Variants in XPR1 observed in about 807,000 individuals in gnomAD.
XPR1 encodes solute carrier family 53 member 1.
Under a neutral mutation model 87.5 loss-of-function variants are expected in XPR1, and 28 were observed. That is an observed-to-expected ratio of 0.32 (90% CI 0.24 to 0.44). The LOEUF (loss-of-function observed/expected upper bound fraction) is 0.44. XPR1 is among the 20% of genes least tolerant of loss of function. The probability of loss-of-function intolerance (pLI) is 1.00; values close to 1 mark genes in which losing one functional copy is unlikely to be tolerated. For missense variants in XPR1, 559 were observed against 862.3 expected (o/e 0.65, Z 4.41); for synonymous variants, 300 against 306.1 (o/e 0.98, Z 0.21).
chr1:180,781,098 A>G (rs1032832844), intron 2 of XPR1, among the ~76,000 whole-genome samples: 12 of 151,352 alleles, frequency 7.9e-5, no homozygotes, highest in African/African-American at 2.7e-4. Context: ...CTTTTGACTT[A>G]ATTTTTGTAT....
rs79123770 is a variant in XPR1, at chr1:180,773,417, T to A, written c.122-14336T>A. Among the ~76,000 whole-genome samples, 29 of 152,340 alleles carry A rather than the reference T, an allele frequency of 1.9e-4. 2 individuals are homozygous for A. In the East Asian group the frequency reaches 5.2e-3, roughly 27 times the overall value. ...CTGACTCTTGTAAGACTTTATAAAC[T>A]ATGTTGCAGGGTATGAACAGTATCC... is the stretch of plus-strand genomic sequence containing the variant. On this transcript the variant is annotated intron_variant, in intron 2 of 14. Coordinates refer to ENST00000367590, the MANE Select transcript of XPR1 (RefSeq NM_004736.4).
intron 2 of XPR1, among the ~76,000 whole-genome samples, chr1:180,735,109 C>T (rs1264857410): frequency 1.3e-5 from 2 of 152,148 alleles, no homozygotes; most frequent in Non-Finnish European, 2.9e-5. Flanking sequence ...CTTTGAAGTG[C>T]AGAAACACAC....
intron 11 of XPR1, among the ~76,000 whole-genome samples, chr1:180,862,879 A>G (rs987393239): frequency 2.0e-5 from 3 of 152,126 alleles, no homozygotes; most frequent in African/African-American, 7.2e-5. Flanking sequence ...TTATATACCT[A>G]TAGCACACCT....
intron 2 of XPR1, among the ~76,000 whole-genome samples, chr1:180,773,384 A>T (rs1375825814): frequency 6.6e-6 from 1 of 152,184 alleles, no homozygotes; most frequent in African/African-American, 2.4e-5. Flanking sequence ...AGCTGAAGAG[A>T]AGTAGCACTG....
chr1:180,736,506 A>C (rs1658736272), intron 2 of XPR1, among the ~76,000 whole-genome samples: 1 of 152,206 alleles, frequency 6.6e-6, no homozygotes, highest in Non-Finnish European at 1.5e-5. Context: ...GTAGTTTGTT[A>C]GTAGAATACC....
At position 180,833,528 on chromosome 1, in the gene XPR1, G is replaced by A. The variant is rs564437976; in HGVS notation, c.1135-1346G>A. On this transcript the variant is annotated intron_variant, in intron 9 of 14. Coordinates refer to ENST00000367590, the MANE Select transcript of XPR1 (RefSeq NM_004736.4). ...GCAAAAAAAAACACAAAAAAAACAG[G>A]GGTTGCAATCCTAGTCTCTGATAAA... is the stretch of plus-strand genomic sequence containing the variant. Among the ~76,000 whole-genome samples, 250 of 151,980 alleles carry A rather than the reference G, an allele frequency of 1.6e-3. 1 individual carries two copies. Among genetic ancestry groups the A allele is most frequent in the Admixed American group, 2.7e-3 (41 of 15,264 alleles).
At chr1:180,658,635 G>A (rs1163139643) in intron 1 of XPR1, among the ~76,000 whole-genome samples, 1 of 151,992 alleles carries the variant, frequency 6.6e-6, no homozygotes, top group East Asian at 1.9e-4. Flanking sequence ...CGCGATCTTG[G>A]CTCACTGCAA....
chr1:180,814,230 AG>A (rs1650323376), intron 7 of XPR1, among the ~76,000 whole-genome samples: 1 of 152,186 alleles, frequency 6.6e-6, no homozygotes, highest in African/African-American at 2.4e-5. Context: ...TTGTATTGTT[AG>A]AGTTCTTCTT....
chr1:180,753,446 C>T (rs374936783), intron 2 of XPR1, among the ~76,000 whole-genome samples: 3 of 151,724 alleles, frequency 2.0e-5, no homozygotes, highest in South Asian at 4.2e-4. Context: ...CCCAGCTACT[C>T]GGGAGGCTAA....
chr1:180,682,654 G>A (rs1016454827), intron 2 of XPR1, among the ~76,000 whole-genome samples: 1 of 151,842 alleles, frequency 6.6e-6, no homozygotes, highest in African/African-American at 2.4e-5. Context: ...ACTGTGAATC[G>A]TATATATTGG....
chr1:180,794,328 T>C (rs1357118331), intron 3 of XPR1, among the ~76,000 whole-genome samples: 2 of 152,238 alleles, frequency 1.3e-5, no homozygotes, highest in African/African-American at 4.8e-5. Context: ...TTATATCTTA[T>C]GGGACTACTG....
chr1:180,719,154 T>G (rs1658095405), intron 2 of XPR1, among the ~76,000 whole-genome samples: 1 of 152,184 alleles, frequency 6.6e-6, no homozygotes, highest in African/African-American at 2.4e-5. Flanking sequence ...CTGGGATATA[T>G]AAATACCAAG....
intron 2 of XPR1, among the ~76,000 whole-genome samples, chr1:180,705,035 A>G (rs1267063762): frequency 6.6e-6 from 1 of 151,780 alleles, no homozygotes; most frequent in African/African-American, 2.4e-5. Flanking sequence ...TTTAAAGCTT[A>G]AAGTCTTAGT....
chr1:180,809,774 A>G (rs1558019113), intron 6 of XPR1, among the ~76,000 whole-genome samples: 1 of 152,188 alleles, frequency 6.6e-6, no homozygotes, highest in Non-Finnish European at 1.5e-5. Context: ...TCACTTTATT[A>G]TTCATTTCTA....
At chr1:180,728,612 A>G (rs1658442192) in intron 2 of XPR1, among the ~76,000 whole-genome samples, 1 of 152,242 alleles carries the variant, frequency 6.6e-6, no homozygotes, top group Non-Finnish European at 1.5e-5. Flanking sequence ...GCATCACTCG[A>G]TAAGTCATAT....
intron 2 of XPR1, among the ~76,000 whole-genome samples, chr1:180,696,434 A>G (rs186665255): frequency 1.2e-3 from 187 of 151,892 alleles, no homozygotes; most frequent in African/African-American, 4.3e-3. Flanking sequence ...TGACTTTCTC[A>G]TTTCCAATTT....
intron 2 of XPR1, among the ~76,000 whole-genome samples, chr1:180,780,332 T>G (rs1018152614): frequency 6.6e-6 from 1 of 152,226 alleles, no homozygotes; most frequent in African/African-American, 2.4e-5. Flanking sequence ...TGTTATTGCC[T>G]TTTTAAATTA....
chr1:180,796,820 G>C (rs547894725), intron 3 of XPR1, among the ~76,000 whole-genome samples: 23 of 152,278 alleles, frequency 1.5e-4, no homozygotes, highest in Non-Finnish European at 3.1e-4. Context: ...ATACTATTTG[G>C]CAATAAAAGG....
intron 2 of XPR1, among the ~76,000 whole-genome samples, chr1:180,733,770 T>C (rs912137134): frequency 6.6e-6 from 1 of 152,190 alleles, no homozygotes; most frequent in African/African-American, 2.4e-5. Context: ...AGGATAACTT[T>C]CCAGTTTCTA....
Sources: gnomAD v4.1 joint callset for allele counts (sites outside exome capture counted in the v4.1 genomes callset) on GRCh38, gnomAD v4.1.1 for gene constraint, MANE v1.5 for transcripts, NCBI Gene and HGNC (gene_info 2026-07-23, HGNC 2026-07-21) for gene names.